The following NAA11 variants were observed in gnomAD, a reference collection of about 807,000 sequenced individuals.
The protein encoded by NAA11 is N-alpha-acetyltransferase 11, NatA catalytic subunit.
In NAA11, 15 loss-of-function variants were observed where a neutral mutation model predicts 16.1. That is an observed-to-expected ratio of 0.93 (90% CI 0.62 to 1.44). The LOEUF (loss-of-function observed/expected upper bound fraction) is 1.44, where lower values mean the gene tolerates loss of function less well. Among genes scored for constraint, NAA11 ranks in the 40% most tolerant of loss-of-function variants. The pLI is 0.00. For synonymous variants in NAA11, 122 were observed against 112.4 expected, an observed-to-expected ratio of 1.09 and a Z score of -0.54; for missense variants, 298 against 291.3, an observed-to-expected ratio of 1.02 and a Z score of -0.17.
intron 2 of NAA11, among the ~76,000 whole-genome samples, chr4:79,271,520 G>A (rs72870849): frequency 0.04 from 6,155 of 152,064 alleles, 163 homozygotes; most frequent in East Asian, 0.078. Flanking sequence ...GCGATTTCTT[G>A]ATAGTTTAAG....
At chr4:79,186,472 C>G in the NAA11 span, among the ~76,000 whole-genome samples, 5 of 152,148 alleles carry the variant, frequency 3.3e-5, no homozygotes, top group African/African-American at 7.2e-5. Context: ...ACAAGATGGC[C>G]TCCTTGGAGA....
chr4:79,321,129 C>T (rs1724077321), intron 1 of NAA11, among the ~76,000 whole-genome samples: 1 of 152,170 alleles, frequency 6.6e-6, no homozygotes. Context: ...AAATATATGT[C>T]AGGTGTTTAT....
At chr4:79,254,284 A>G (rs1490989394) in intron 2 of NAA11, among the ~76,000 whole-genome samples, 1 of 152,218 alleles carries the variant, frequency 6.6e-6, no homozygotes, top group African/African-American at 2.4e-5. Context: ...AAACATTTTC[A>G]TATCTATCAA....
At chr4:79,307,112 T>C (rs1723609369) in intron 1 of NAA11, 1 of 152,232 alleles carries the variant, frequency 6.6e-6, no homozygotes, top group Non-Finnish European at 1.5e-5. Context: ...TGCTCCCAAC[T>C]GGGATTACGG....
At chr4:79,156,435 G>A in the NAA11 span, among the ~76,000 whole-genome samples, 1 of 152,096 alleles carries the variant, frequency 6.6e-6, no homozygotes, top group Admixed American at 6.5e-5. Flanking sequence ...AGGCTGGCAA[G>A]TCTAAAATCT....
At chr4:79,237,120 A>C (rs1721587188) in intron 2 of NAA11, among the ~76,000 whole-genome samples, 1 of 152,168 alleles carries the variant, frequency 6.6e-6, no homozygotes, top group Admixed American at 6.5e-5. Context: ...ATGTTGAAAC[A>C]CAGGTGCCTA....
chr4:79,190,423 A>G, the NAA11 span, among the ~76,000 whole-genome samples: 1 of 151,474 alleles, frequency 6.6e-6, no homozygotes, highest in African/African-American at 2.4e-5. Context: ...GGCAATTTAA[A>G]ACATTTACCA....
intron 2 of NAA11, among the ~76,000 whole-genome samples, chr4:79,235,892 G>A (rs1164316255): frequency 6.7e-6 from 1 of 149,526 alleles, no homozygotes; most frequent in East Asian, 2.0e-4. Flanking sequence ...TTTATACAAA[G>A]AAGCTACCTC....
the NAA11 span, among the ~76,000 whole-genome samples, chr4:79,167,132 T>TATATATATATATATATATATATATA: frequency 5.8e-5 from 1 of 17,284 alleles, no homozygotes; most frequent in Non-Finnish European, 1.4e-4. Context: ...ACAGCTTATT[T>TATATATATATATATATATATATATA]TATATATATA....
intron 2 of NAA11, chr4:79,258,956 C>A: frequency 4.7e-6 from 1 of 210,752 alleles, no homozygotes; most frequent in South Asian, 6.5e-5. Context: ...GGATGACCAG[C>A]TGCAGAGAGG....
intron 2 of NAA11, among the ~76,000 whole-genome samples, chr4:79,261,144 AC>A (rs1389723996): frequency 6.6e-6 from 1 of 152,216 alleles, no homozygotes; most frequent in Non-Finnish European, 1.5e-5. Context: ...GGATGCTCTA[AC>A]AAAGACTTTA....
the NAA11 span, among the ~76,000 whole-genome samples, chr4:79,193,777 T>A: frequency 6.6e-6 from 1 of 152,128 alleles, no homozygotes; most frequent in African/African-American, 2.4e-5. Context: ...TCCTTGGTAG[T>A]TTGATGGGGA....
chr4:79,246,098 C>T (rs1285860755), intron 2 of NAA11, among the ~76,000 whole-genome samples: 1 of 152,194 alleles, frequency 6.6e-6, no homozygotes, highest in East Asian at 1.9e-4. Flanking sequence ...CTCTCTGCAA[C>T]TGTGCTGTGT....
chr4:79,201,679 A>C, the NAA11 span, among the ~76,000 whole-genome samples: 7 of 151,580 alleles, frequency 4.6e-5, no homozygotes, highest in Admixed American at 2.0e-4. Context: ...AATCCTCCTC[A>C]CTTGCCTTAG....
intron 2 of NAA11, among the ~76,000 whole-genome samples, chr4:79,228,776 G>A (rs936943070): frequency 2.0e-4 from 30 of 151,990 alleles, no homozygotes; most frequent in Admixed American, 3.3e-4. Context: ...AAACATTCAT[G>A]TACCATTTTT....
chr4:79,254,853 A>G (rs1045879930), intron 2 of NAA11, among the ~76,000 whole-genome samples: 1 of 152,114 alleles, frequency 6.6e-6, no homozygotes, highest in East Asian at 1.9e-4. Context: ...TAGTGTAAGA[A>G]TTGCTTCACA....
At chr4:79,173,531 CAT>C in the NAA11 span, among the ~76,000 whole-genome samples, 2 of 151,900 alleles carry the variant, frequency 1.3e-5, no homozygotes, top group African/African-American at 2.4e-5. Context: ...AAGTTATTAA[CAT>C]ATGATTAAGA....
the NAA11 span, among the ~76,000 whole-genome samples, chr4:79,156,754 G>C: frequency 2.0e-5 from 3 of 152,168 alleles, no homozygotes; most frequent in Non-Finnish European, 4.4e-5. Context: ...GATGATAAAA[G>C]AAGCCCAAGA....
Position 79,325,229 on chromosome 4 carries a change from T to A in NAA11, c.649A>T (p.Asn217Tyr). Reference sequence around the variant, plus strand: ...GAGCTTTCTGAGCTGTCCTGGACGTTGGTGCTCTCCACAGACTCCTTAGGT... The same window carrying A: ...GAGCTTTCTGAGCTGTCCTGGACGTAGGTGCTCTCCACAGACTCCTTAGGT... ...KEPKESVEST[N>Y]VQDSSESSDS... is the part of the protein sequence containing the mutation. Residue 217 changes from asparagine (N) to tyrosine (Y), a missense_variant, in exon 1 of 2, where the codon AAC becomes TAC. Coordinates refer to ENST00000286794, the MANE Select transcript of NAA11 (RefSeq NM_032693.3). The A allele has an allele frequency of 6.2e-7, 1 of 1,613,404 alleles. No homozygotes were observed. Among genetic ancestry groups the A allele is most frequent in the Non-Finnish European group, 8.5e-7 (1 of 1,179,646 alleles).
Sources: gnomAD v4.1 joint callset for allele counts (sites outside exome capture counted in the v4.1 genomes callset) on GRCh38, gnomAD v4.1.1 for gene constraint, MANE v1.5 for transcripts, NCBI Gene and HGNC (gene_info 2026-07-23, HGNC 2026-07-21) for gene names.